The following PRELID2 variants were observed in gnomAD, a reference collection of about 807,000 sequenced individuals.
The protein encoded by PRELID2 is PRELI domain containing 2.
In PRELID2, 25 loss-of-function variants were observed where a neutral mutation model predicts 28.4. The observed-to-expected ratio is 0.88, with a 90% CI of 0.64 to 1.23. PRELID2 has a LOEUF of 1.23. PRELID2 is among the 50% of genes most tolerant of loss of function. The pLI, the probability that PRELID2 is intolerant of heterozygous loss-of-function variation, is 0.00. For synonymous variants in PRELID2, 76 were observed against 71.6 expected (o/e 1.06, Z -0.31); for missense variants, 201 against 214.4 (o/e 0.94, Z 0.39).
At chr5:145,422,526 G>C in the PRELID2 span, among the ~76,000 whole-genome samples, 1 of 151,990 alleles carries the variant, frequency 6.6e-6, no homozygotes, top group Non-Finnish European at 1.5e-5. Context: ...TTGGTTTAAA[G>C]TCTGTTTTAT....
chr5:145,614,283 T>A (rs1048279828), intron 1 of PRELID2, among the ~76,000 whole-genome samples: 1 of 152,228 alleles, frequency 6.6e-6, no homozygotes, highest in Non-Finnish European at 1.5e-5. Context: ...TTTTGCTTAG[T>A]CTTGCTTTGG....
chr5:145,260,549 G>A, the PRELID2 span, among the ~76,000 whole-genome samples: 1 of 152,030 alleles, frequency 6.6e-6, no homozygotes, highest in South Asian at 2.1e-4. Flanking sequence ...TTTTTGTTTT[G>A]AGGATTTTCT....
chr5:145,279,401 A>G, the PRELID2 span, among the ~76,000 whole-genome samples: 1 of 152,108 alleles, frequency 6.6e-6, no homozygotes, highest in Non-Finnish European at 1.5e-5. Flanking sequence ...TTGTTCACAT[A>G]AATTTGAGTT....
At chr5:145,756,048 G>T (rs959212974), downstream of PRELID2, among the ~76,000 whole-genome samples, 1 of 152,174 alleles carries the variant, frequency 6.6e-6, no homozygotes, top group African/African-American at 2.4e-5. Flanking sequence ...GGAAACACCT[G>T]GCTTCATTCT....
intron 1 of PRELID2, among the ~76,000 whole-genome samples, chr5:145,510,948 CG>C (rs1752455538): frequency 6.6e-6 from 1 of 152,172 alleles, no homozygotes; most frequent in Non-Finnish European, 1.5e-5. Flanking sequence ...ATGCCAGATC[CG>C]TCAAGAGGCC....
chr5:145,370,154 G>C, the PRELID2 span, among the ~76,000 whole-genome samples: 6 of 151,968 alleles, frequency 3.9e-5, no homozygotes, highest in Non-Finnish European at 8.8e-5. Flanking sequence ...TTTGGGTTTT[G>C]TTGCAATTGC....
intron 1 of PRELID2, among the ~76,000 whole-genome samples, chr5:145,604,603 G>A (rs1248625233): frequency 6.6e-6 from 1 of 151,828 alleles, no homozygotes; most frequent in Non-Finnish European, 1.5e-5. Context: ...TCACAGTAAT[G>A]AAATTGCTGG....
chr5:145,824,779 G>A (rs1274441021), intron 1 of PRELID2, among the ~76,000 whole-genome samples: 1 of 152,128 alleles, frequency 6.6e-6, no homozygotes, highest in Non-Finnish European at 1.5e-5. Flanking sequence ...TCAGCTTTCA[G>A]CAACCTCAAT....
chr5:145,691,427 C>T (rs185497103), intron 1 of PRELID2, among the ~76,000 whole-genome samples: 6 of 152,232 alleles, frequency 3.9e-5, no homozygotes, highest in East Asian at 3.9e-4. Flanking sequence ...AAGACTCGGC[C>T]GGGCGTGGTG....
chr5:145,505,985 G>A (rs1013304176), intron 1 of PRELID2, among the ~76,000 whole-genome samples: 1 of 152,174 alleles, frequency 6.6e-6, no homozygotes, highest in Non-Finnish European at 1.5e-5. Context: ...GTTTCCAGGG[G>A]CTGGGAGGAG....
rs543072691 is a variant in PRELID2, at chr5:145,810,055, C to T, written c.368+7839G>A. Among the ~76,000 whole-genome samples, 7 of 152,314 alleles carry T rather than the reference C, an allele frequency of 4.6e-5. No homozygotes were observed. The South Asian group carries it at 1.5e-3, about 32-fold the overall frequency. On this transcript the variant is annotated intron_variant, in intron 4 of 6. Coordinates refer to ENST00000683046, the MANE Select transcript of PRELID2 (RefSeq NM_205846.3). ...AAACACAAGAAATTAACAAACCTAT[C>T]TCAGAACATAAGGTTTTGGAGGGTA... is the stretch of plus-strand genomic sequence containing the variant.
the PRELID2 span, among the ~76,000 whole-genome samples, chr5:145,322,206 T>A: frequency 6.6e-6 from 1 of 152,196 alleles, no homozygotes. Context: ...TCCTTACCCT[T>A]CTCAGTCCAT....
At chr5:145,415,830 G>A in the PRELID2 span, among the ~76,000 whole-genome samples, 1 of 151,746 alleles carries the variant, frequency 6.6e-6, no homozygotes, top group Non-Finnish European at 1.5e-5. Flanking sequence ...CGTATTTCTA[G>A]TTCTAGATCC....
chr5:145,264,420 A>C, the PRELID2 span, among the ~76,000 whole-genome samples: 1 of 152,164 alleles, frequency 6.6e-6, no homozygotes, highest in Non-Finnish European at 1.5e-5. Flanking sequence ...GATGAAGAAA[A>C]AGTATTTGAA....
rs187964001 is a variant in PRELID2, at chr5:145,749,275, A to C, written n.70+15656T>G. ...CAAGGAACTTAAACAAATTTACAAG[A>C]AAAAAACAACCCCATCAAAAAGTGG... On this transcript the variant is annotated intron_variant and non_coding_transcript_variant, in intron 1 of 2. Coordinates refer to the PRELID2 transcript ENST00000510259. Among the ~76,000 whole-genome samples, 340 of 152,188 alleles carry C rather than the reference A, an allele frequency of 2.2e-3. 1 individual carries two copies. Among genetic ancestry groups the C allele is most frequent in the African/African-American group, 7.8e-3 (325 of 41,568 alleles).
At chr5:145,834,076 T>C (rs943784136) in intron 1 of PRELID2, among the ~76,000 whole-genome samples, 2 of 152,208 alleles carry the variant, frequency 1.3e-5, no homozygotes, top group African/African-American at 2.4e-5. Flanking sequence ...AAACAGTCTT[T>C]GGGATTCAGG....
At chr5:145,402,119 T>G in the PRELID2 span, among the ~76,000 whole-genome samples, 1 of 152,226 alleles carries the variant, frequency 6.6e-6, no homozygotes, top group Non-Finnish European at 1.5e-5. Flanking sequence ...CATTTTCACA[T>G]GCTTTATTTT....
At chr5:145,774,491 C>A (rs1758291152) in intron 5 of PRELID2, among the ~76,000 whole-genome samples, 1 of 152,210 alleles carries the variant, frequency 6.6e-6, no homozygotes, top group Admixed American at 6.5e-5. Context: ...ACCTCCCATT[C>A]TTCCCATGTC....
the PRELID2 span, among the ~76,000 whole-genome samples, chr5:145,285,392 C>G: frequency 6.6e-6 from 1 of 151,936 alleles, no homozygotes; most frequent in Non-Finnish European, 1.5e-5. Flanking sequence ...CCCCGAAGCT[C>G]CCCCGCTCCG....
Sources: allele counts gnomAD v4.1 joint callset (sites outside exome capture counted in the v4.1 genomes callset), GRCh38; gene constraint gnomAD v4.1.1; transcripts MANE v1.5; gene names NCBI Gene and HGNC (gene_info 2026-07-23, HGNC 2026-07-21).